The following PRELID2 variants were observed in gnomAD, a reference collection of about 807,000 sequenced individuals.
The protein encoded by PRELID2 is PRELI domain containing 2.
A neutral mutation model predicts 28.4 loss-of-function variants in PRELID2; 25 were observed. The observed-to-expected ratio is 0.88, with a 90% CI of 0.64 to 1.23. The LOEUF is 1.23. PRELID2 is among the 50% of genes most tolerant of loss of function. The pLI is 0.00. For missense variants in PRELID2, 201 were observed against 214.4 expected (o/e 0.94, Z 0.39); for synonymous variants, 76 against 71.6 (o/e 1.06, Z -0.31).
chr5:145,506,526 G>A (rs1360914689), intron 1 of PRELID2, among the ~76,000 whole-genome samples: 1 of 152,122 alleles, frequency 6.6e-6, no homozygotes, highest in African/African-American at 2.4e-5. Context: ...CCCAGGCCAT[G>A]TTCCTTTCAT....
the PRELID2 span, among the ~76,000 whole-genome samples, chr5:145,335,828 G>C: frequency 2.0e-5 from 3 of 152,270 alleles, no homozygotes; most frequent in Non-Finnish European, 4.4e-5. Flanking sequence ...TCTAGTTCTA[G>C]ATCCCTGAGG....
chr5:145,662,947 C>T (rs1167513239), intron 1 of PRELID2, among the ~76,000 whole-genome samples: 2 of 152,230 alleles, frequency 1.3e-5, no homozygotes, highest in South Asian at 2.1e-4. Context: ...ACAGATTCTA[C>T]ACCTGTAATC....
chr5:145,686,005 T>C (rs1755030611), intron 1 of PRELID2, among the ~76,000 whole-genome samples: 1 of 152,220 alleles, frequency 6.6e-6, no homozygotes, highest in Non-Finnish European at 1.5e-5. Context: ...GGGTTTCCCA[T>C]GTTACATGGG....
At chr5:145,751,178 T>C (rs1757114230) in intron 1 of PRELID2, among the ~76,000 whole-genome samples, 1 of 152,222 alleles carries the variant, frequency 6.6e-6, no homozygotes. Context: ...AGGACTTCTT[T>C]CTCAACTAAG....
At chr5:145,232,524 T>G in the PRELID2 span, among the ~76,000 whole-genome samples, 234 of 152,248 alleles carry the variant, frequency 1.5e-3, 1 homozygote, top group African/African-American at 5.4e-3. Context: ...AAGAGTAAGG[T>G]CTTGTTGAGT....
At chr5:145,678,973 T>C (rs1259331412) in intron 1 of PRELID2, among the ~76,000 whole-genome samples, 1 of 152,240 alleles carries the variant, frequency 6.6e-6, no homozygotes, top group Non-Finnish European at 1.5e-5. Flanking sequence ...TTGTCCTCGC[T>C]GATCTCTCCA....
intron 1 of PRELID2, among the ~76,000 whole-genome samples, chr5:145,638,949 G>A (rs1754048935): frequency 6.6e-6 from 1 of 152,212 alleles, no homozygotes; most frequent in South Asian, 2.1e-4. Flanking sequence ...ACATGATTTT[G>A]TGGGCCAGCT....
chr5:145,279,407 G>C, the PRELID2 span, among the ~76,000 whole-genome samples: 1 of 152,078 alleles, frequency 6.6e-6, no homozygotes, highest in Non-Finnish European at 1.5e-5. Flanking sequence ...ACATAAATTT[G>C]AGTTCTTTCA....
At chr5:145,703,979 G>A (rs1438246565) in intron 1 of PRELID2, 1 of 152,156 alleles carries the variant, frequency 6.6e-6, no homozygotes, top group East Asian at 1.9e-4. Flanking sequence ...CAGTACCTGA[G>A]GTGTCTTCCT....
At chr5:145,639,834 A>C (rs1324983682) in intron 1 of PRELID2, among the ~76,000 whole-genome samples, 2 of 152,204 alleles carry the variant, frequency 1.3e-5, no homozygotes, top group African/African-American at 4.8e-5. Flanking sequence ...ATCGAAAAAC[A>C]AAATACAACT....
rs926637662 is a variant in PRELID2 at position 145,729,183 on chromosome 5, T to C, written n.70+35748A>G. On this transcript the variant is annotated intron_variant and non_coding_transcript_variant, in intron 1 of 2. Coordinates refer to the PRELID2 transcript ENST00000510259. Reference sequence around the variant, plus strand: ...CAAGTCCTTCAAAGTATCATTTGTATCAGTGATGCTCTGGGTTTCGGAAGC... The same window carrying C: ...CAAGTCCTTCAAAGTATCATTTGTACCAGTGATGCTCTGGGTTTCGGAAGC... 6 of 684,590 alleles carry C rather than the reference T, an allele frequency of 8.8e-6. No individual in the cohort carries two copies. The African/African-American group carries it at 1.1e-4, about 12-fold the overall frequency. 42.4% of individuals were successfully genotyped at this position (684,590 alleles called of 1,614,324 possible).
the PRELID2 span, among the ~76,000 whole-genome samples, chr5:145,438,561 T>G: frequency 2.0e-5 from 3 of 152,156 alleles, no homozygotes; most frequent in Non-Finnish European, 4.4e-5. Flanking sequence ...CTGTCAGGAT[T>G]TTTATTATTT....
At chr5:145,591,767 C>T (rs1045172072) in intron 1 of PRELID2, among the ~76,000 whole-genome samples, 12 of 152,204 alleles carry the variant, frequency 7.9e-5, no homozygotes, top group African/African-American at 2.4e-4. Flanking sequence ...GGGCTGGAGC[C>T]ACTGACTAAC....
chr5:145,320,945 CTT>C, the PRELID2 span, among the ~76,000 whole-genome samples: 1 of 152,160 alleles, frequency 6.6e-6, no homozygotes, highest in Non-Finnish European at 1.5e-5. Context: ...GTACTAAACA[CTT>C]TTATGCATTA....
the PRELID2 span, among the ~76,000 whole-genome samples, chr5:145,234,743 G>A: frequency 2.6e-5 from 4 of 152,020 alleles, no homozygotes; most frequent in African/African-American, 4.8e-5. Flanking sequence ...CTGAAGAAAC[G>A]TTGCCTCAAG....
At chr5:145,711,846 G>C (rs79290930) in intron 1 of PRELID2, among the ~76,000 whole-genome samples, 2,901 of 152,302 alleles carry the variant, frequency 0.019, 67 homozygotes, top group East Asian at 0.073. Flanking sequence ...GGCACAGAGA[G>C]CCAGGGGCAG....
chr5:145,264,893 T>C, the PRELID2 span, among the ~76,000 whole-genome samples: 26 of 144,170 alleles, frequency 1.8e-4, no homozygotes, highest in Non-Finnish European at 2.5e-4. Context: ...AGAATTGTTC[T>C]AACCCAGGAG....
chr5:145,381,642 G>A, the PRELID2 span: 5 of 152,406 alleles, frequency 3.3e-5, no homozygotes, highest in African/African-American at 4.8e-5. Flanking sequence ...TATTTGAAAC[G>A]TCAGAGTCTT....
chr5:145,512,572 A>C (rs539538448), intron 1 of PRELID2, among the ~76,000 whole-genome samples: 1 of 152,298 alleles, frequency 6.6e-6, no homozygotes, highest in African/African-American at 2.4e-5. Flanking sequence ...AGCAGACTTA[A>C]ATGTTCTTGC....
Sources: gnomAD v4.1 joint callset for allele counts (sites outside exome capture counted in the v4.1 genomes callset) on GRCh38, gnomAD v4.1.1 for gene constraint, MANE v1.5 for transcripts, NCBI Gene and HGNC (gene_info 2026-07-23, HGNC 2026-07-21) for gene names.